The following MEP1A variants were observed in gnomAD, a reference collection of about 807,000 sequenced individuals.
MEP1A encodes the protein N-benzoyl-L-tyrosyl-P-amino-benzoic acid hydrolase subunit alpha.
Under a neutral mutation model 84.5 loss-of-function variants are expected in MEP1A, and 68 were observed. The ratio of observed to expected loss-of-function variants is 0.80; its 90% confidence interval spans 0.66 to 0.98. MEP1A has a LOEUF of 0.98. Among genes scored for constraint, MEP1A ranks in the 50% least tolerant of loss-of-function variants. The probability of loss-of-function intolerance (pLI) is 0.00; values close to 1 mark genes in which losing one functional copy is unlikely to be tolerated. For missense variants in MEP1A, 887 were observed against 919.9 expected (o/e 0.96, Z 0.46); for synonymous variants, 337 against 336.8 (o/e 1.00, Z -0.01).
At chr6:46,840,961 A>G (rs537403254), downstream of MEP1A, among the ~76,000 whole-genome samples, 2 of 152,302 alleles carry the variant, frequency 1.3e-5, no homozygotes, top group South Asian at 2.1e-4. Flanking sequence ...ACTCTGCTCA[A>G]TATCTGACCT....
chr6:46,807,790 AG>A (rs1431178874), intron 5 of MEP1A, among the ~76,000 whole-genome samples: 10 of 133,306 alleles, frequency 7.5e-5, no homozygotes, highest in African/African-American at 2.8e-4. Context: ...AAAGAAAGAA[AG>A]AAAGAAAGAA....
intron 12 of MEP1A, 77 bp from the exon 13 acceptor site, chr6:46,835,172 A>G: frequency 6.8e-6 from 9 of 1,319,046 alleles, no homozygotes; most frequent in Non-Finnish European, 9.3e-6. Flanking sequence ...AGGCTGGGGA[A>G]CTTTCACCAG....
intron 7 of MEP1A, among the ~76,000 whole-genome samples, chr6:46,824,734 ATG>A (rs1767869339): frequency 1.0e-5 from 1 of 97,400 alleles, no homozygotes; most frequent in South Asian, 3.3e-4. Context: ...TATATAAATT[ATG>A]TATTTAAATA....
intron 13 of MEP1A, among the ~76,000 whole-genome samples, chr6:46,836,397 C>T (rs1182587839): frequency 6.6e-6 from 1 of 152,198 alleles, no homozygotes; most frequent in Non-Finnish European, 1.5e-5. Flanking sequence ...TACATTTCTT[C>T]TGAGTTCTTT....
chr6:46,835,728 G>A (rs529918350), intron 13 of MEP1A, among the ~76,000 whole-genome samples, 179 bp downstream of exon 13: 1 of 152,196 alleles, frequency 6.6e-6, no homozygotes, highest in Non-Finnish European at 1.5e-5. Flanking sequence ...ATGCTGCCAG[G>A]ACAGAGGCTT....
At chr6:46,842,586 G>C (rs534202628), downstream of MEP1A, among the ~76,000 whole-genome samples, 4 of 152,258 alleles carry the variant, frequency 2.6e-5, no homozygotes, top group East Asian at 5.8e-4. Flanking sequence ...CTCAAACCCT[G>C]TTTTCTGTTA....
In MEP1A at chr6:46,830,299, C is replaced by T. The variant is rs1218137179; in HGVS notation, c.1144+728C>T. 2.9e-5 allele frequency among the ~76,000 whole-genome samples: 4 copies of T among 139,724 alleles called. No homozygotes were observed. The South Asian group carries it at 7.1e-4, about 25-fold the overall frequency. The allele number at this position is 139,724 out of a possible 152,430, so 91.7% of individuals were successfully genotyped here. On this transcript the variant is annotated intron_variant, in intron 10 of 13. Coordinates refer to ENST00000230588, the MANE Select transcript of MEP1A (RefSeq NM_005588.3). The stretch of plus-strand genomic sequence containing the variant: ...AAAAAAAATTGACCAAAGTGTTTTG[C>T]ATCTGTTTCAGAAAAACAAATGATA...
chr6:46,825,031 AGATC>A lies in MEP1A; in HGVS notation c.557-240_557-237del, dbSNP rs1282951796. Among the ~76,000 whole-genome samples the A allele has an allele frequency of 2.1e-4, 18 of 87,408 alleles. 1 individual carries two copies. Among genetic ancestry groups the A allele is most frequent in the Non-Finnish European group, 3.1e-4 (11 of 35,326 alleles). 57.3% of individuals were successfully genotyped at this position (87,408 alleles called of 152,430 possible). On this transcript the variant is annotated intron_variant, in intron 7 of 13. Transcript: ENST00000230588. Reference sequence around the variant, plus strand: ...GTATATATAAATTATATATTTAAATAGATCTATTTAAATATTTATAAATTATGTA... The same window carrying A: ...GTATATATAAATTATATATTTAAATATATTTAAATATTTATAAATTATGTA...
At position 46,814,924 on chromosome 6, in the gene MEP1A, C is replaced by G. The variant is rs967310533; in HGVS notation, c.381-4605C>G. 3.4e-4 allele frequency among the ~76,000 whole-genome samples: 51 copies of G among 152,186 alleles called. 1 individual carries two copies. Among genetic ancestry groups the G allele is most frequent in the Admixed American group, 3.3e-4 (5 of 15,266 alleles). ...CTTCAGGTCTTGCAGCTATGGACACCAGCACCTGCTCCAGTGGAGGTAGCA... is the reference window on the plus strand; with the variant it reads ...CTTCAGGTCTTGCAGCTATGGACACGAGCACCTGCTCCAGTGGAGGTAGCA... On this transcript the variant is annotated intron_variant, in intron 6 of 13. Coordinates refer to ENST00000230588, the MANE Select transcript of MEP1A (RefSeq NM_005588.3).
intron 5 of MEP1A, among the ~76,000 whole-genome samples, chr6:46,803,097 T>C: frequency 6.6e-6 from 1 of 151,674 alleles, no homozygotes; most frequent in Admixed American, 6.6e-5. Flanking sequence ...AATTTTTTCT[T>C]TCTTAAATGT....
intron 10 of MEP1A, among the ~76,000 whole-genome samples, chr6:46,831,910 C>G (rs1768086280): frequency 6.6e-6 from 1 of 152,100 alleles, no homozygotes; most frequent in South Asian, 2.1e-4. Context: ...TACCTCTCTC[C>G]TGTGTTCCCA....
At position 46,834,760 on chromosome 6, in the gene MEP1A, G is replaced by A; in HGVS notation, c.1783+9G>A. On this transcript the variant is annotated intron_variant, in intron 12 of 13. Transcript: ENST00000230588. ...ATTTGTGGACTTTGAAGGTACTTTTGTTGGTCTTCCTGAGTAAATAATCCT... is the reference window on the plus strand; with the variant it reads ...ATTTGTGGACTTTGAAGGTACTTTTATTGGTCTTCCTGAGTAAATAATCCT... The A allele has an allele frequency of 6.2e-7, 1 of 1,605,600 alleles. No homozygotes were observed. Among genetic ancestry groups the A allele is most frequent in the Non-Finnish European group, 8.5e-7 (1 of 1,174,922 alleles).
At chr6:46,797,911 C>A (rs137893456) in intron 3 of MEP1A, among the ~76,000 whole-genome samples, 1,041 of 37,146 alleles carry the variant, frequency 0.028, 25 homozygotes, top group African/African-American at 0.078. Context: ...TCCTTCCTTC[C>A]TTCCTTCCTT....
chr6:46,834,428 T>TGCAGCGATAAATGACACTGTC, intron 11 of MEP1A, 150 bp from the exon 12 acceptor site: 4 of 228,126 alleles, frequency 1.8e-5, no homozygotes, highest in Non-Finnish European at 3.0e-5. Context: ...ACACTTTTTT[T>TGCAGCGATAAATGACACTGTC]ATTTTTATAT....
Position 46,829,403 on chromosome 6 carries a change from G to A in MEP1A, c.976G>A (p.Glu326Lys). 2 of 1,614,104 alleles carry A rather than the reference G, an allele frequency of 1.2e-6. No individual in the cohort carries two copies. The highest frequency in any genetic ancestry group is 1.7e-6 in the Non-Finnish European group (2 of 1,180,034). ...QFSTSSGSAE[E>K]AALLESRILY... The stretch of plus-strand genomic sequence containing the variant: ...CAGCACCAGCTCGGGGTCCGCGGAA[G>A]AGGCAGCCCTACTGGAGTCTCGGAT... The change falls in exon 10 of 14, where the codon GAG (glutamate) becomes AAG (lysine). Residue 326 changes from glutamate to lysine, a missense_variant. Coordinates refer to ENST00000230588, the MANE Select transcript of MEP1A (RefSeq NM_005588.3).
At chr6:46,816,125 T>C (rs1767628477) in intron 6 of MEP1A, among the ~76,000 whole-genome samples, 1 of 151,738 alleles carries the variant, frequency 6.6e-6, no homozygotes. Flanking sequence ...TTAGTAGAGA[T>C]GGGGGTTTCA....
Position 46,838,912 on chromosome 6 carries a change from T to C in MEP1A, c.2085-68T>C, listed in dbSNP as rs993725580. The C allele has an allele frequency of 5.2e-6, 7 of 1,349,794 alleles. No homozygotes were observed. In the African/African-American group the frequency reaches 1.0e-4, roughly 20 times the overall value. The allele number at this position is 1,349,794 out of a possible 1,614,324, so 83.6% of individuals were successfully genotyped here. ...TTTGCCATTTTTATTGCTGTGGAGATGAGTGTTGCTAGGAGGCACCTGAGG... is the reference window on the plus strand; with the variant it reads ...TTTGCCATTTTTATTGCTGTGGAGACGAGTGTTGCTAGGAGGCACCTGAGG... On this transcript the variant is annotated intron_variant, in intron 13 of 13. Coordinates refer to ENST00000230588, the MANE Select transcript of MEP1A (RefSeq NM_005588.3).
chr6:46,826,563 C>T lies in MEP1A; in HGVS notation c.928+60C>T, dbSNP rs1241915123. Reference sequence around the variant, plus strand: ...GTTCACCAGGTTCAATTAGGTTATGCCAGCCACCATGTTTTGCCTCAGTCA... The same window carrying T: ...GTTCACCAGGTTCAATTAGGTTATGTCAGCCACCATGTTTTGCCTCAGTCA... On this transcript the variant is annotated intron_variant, in intron 9 of 13. Coordinates refer to ENST00000230588, the MANE Select transcript of MEP1A (RefSeq NM_005588.3). 9 of 1,326,608 alleles carry T rather than the reference C, an allele frequency of 6.8e-6. No homozygotes were observed. In the African/African-American group the frequency reaches 1.3e-4, roughly 20 times the overall value. The allele number at this position is 1,326,608 out of a possible 1,614,324, so 82.2% of individuals were successfully genotyped here.
At chr6:46,806,677 A>T (rs1229043701) in intron 5 of MEP1A, among the ~76,000 whole-genome samples, 1 of 151,970 alleles carries the variant, frequency 6.6e-6, no homozygotes, top group East Asian at 1.9e-4. Context: ...TTGAAGGGGC[A>T]CTTATATACA....
Sources: allele counts gnomAD v4.1 joint callset (sites outside exome capture counted in the v4.1 genomes callset), GRCh38; gene constraint gnomAD v4.1.1; transcripts MANE v1.5; gene names NCBI Gene and HGNC (gene_info 2026-07-23, HGNC 2026-07-21).